The following CREB3L2 variants were observed in gnomAD, a reference collection of about 807,000 sequenced individuals.
The protein encoded by CREB3L2 is cAMP responsive element binding protein 3 like 2.
CREB3L2 carries 23 observed loss-of-function variants against 57.2 expected under a neutral mutation model. The observed-to-expected ratio is 0.40, with a 90% CI of 0.29 to 0.57. The LOEUF (loss-of-function observed/expected upper bound fraction) is 0.57. CREB3L2 is among the 20% of genes least tolerant of loss of function. The pLI is 0.42. For missense variants in CREB3L2, 628 were observed against 634.7 expected (o/e 0.99, Z 0.11); for synonymous variants, 268 against 265.1 (o/e 1.01, Z -0.11).
rs552212189 is a variant in CREB3L2, at chr7:137,997,097, C to T, written c.102+4507G>A. On this transcript the variant is annotated intron_variant, in intron 1 of 11. Transcript: ENST00000330387. ...CCCACTTCCCCTGTTCTTCATCCAA[C>T]GCCTCCACTGACCTTGAGTGGTGTT... Among the ~76,000 whole-genome samples the T allele has an allele frequency of 3.3e-5, 5 of 152,312 alleles. No individual in the cohort carries two copies. In the South Asian group the frequency reaches 1.0e-3, roughly 32 times the overall value.
At chr7:137,895,192 C>T (rs371190037) in intron 8 of CREB3L2, among the ~76,000 whole-genome samples, 1 of 152,154 alleles carries the variant, frequency 6.6e-6, no homozygotes, top group African/African-American at 2.4e-5. Flanking sequence ...GAAAACTATA[C>T]CAGTGGGAAA....
In CREB3L2 at chr7:137,901,355, T is replaced by C. The variant is rs1799750988; in HGVS notation, c.1042A>G (p.Arg348Gly). ...AGCTCTCAGTCCAGTGACACTTACCTATTAGTGTTCTCTAGAACCTCTACC... is the reference window on the plus strand; with the variant it reads ...AGCTCTCAGTCCAGTGACACTTACCCATTAGTGTTCTCTAGAACCTCTACC... ...KKVEVLENTN[R>G]TLLQQLQKLQ... The change falls in exon 8 of 12, where the codon AGG (arginine) becomes GGG (glycine). Residue 348 changes from arginine to glycine, a missense_variant and splice_region_variant. Physicochemically the swap from Arg to Gly is moderately radical, Grantham distance 125. Transcript: ENST00000330387. 2 of 1,563,428 alleles carry C rather than the reference T, an allele frequency of 1.3e-6. No homozygotes were observed. The highest frequency in any genetic ancestry group is 1.8e-6 in the Non-Finnish European group (2 of 1,134,666).
intron 2 of CREB3L2, among the ~76,000 whole-genome samples, chr7:137,927,828 C>T (rs1800509293): frequency 6.7e-6 from 1 of 150,294 alleles, no homozygotes; most frequent in Non-Finnish European, 1.5e-5. Context: ...AAACAAGAGA[C>T]TTACTGTACT....
intron 1 of CREB3L2, among the ~76,000 whole-genome samples, chr7:137,983,397 C>T (rs75822830): frequency 1.2e-4 from 18 of 152,188 alleles, no homozygotes; most frequent in South Asian, 4.1e-4. Context: ...TCAGAGGAAA[C>T]GCTGGTACAG....
At chr7:137,965,408 T>C (rs1323564034) in intron 1 of CREB3L2, among the ~76,000 whole-genome samples, 1 of 152,218 alleles carries the variant, frequency 6.6e-6, no homozygotes, top group Non-Finnish European at 1.5e-5. Context: ...TTCCATTTTT[T>C]CCCTTAGGAT....
chr7:137,898,960 A>AAAGGAAGGAAGGAAGGAAGG (rs145339071), intron 8 of CREB3L2, among the ~76,000 whole-genome samples: 4 of 132,734 alleles, frequency 3.0e-5, no homozygotes, highest in African/African-American at 1.5e-4. Flanking sequence ...GGAAAGAAGG[A>AAAGGAAGGAAGGAAGGAAGG]AAGGAAGGAA....
chr7:137,905,278 A>G (rs1799859769), intron 6 of CREB3L2, among the ~76,000 whole-genome samples: 1 of 149,012 alleles, frequency 6.7e-6, no homozygotes, highest in Non-Finnish European at 1.5e-5. Flanking sequence ...TGTATCTTAT[A>G]TATATATAAT....
intron 6 of CREB3L2, among the ~76,000 whole-genome samples, chr7:137,904,446 A>G (rs1297388261): frequency 6.6e-6 from 1 of 152,180 alleles, no homozygotes; most frequent in African/African-American, 2.4e-5. Context: ...CGGGTAGATC[A>G]CCTGAGGTCA....
At chr7:137,906,038 T>C (rs1048142004) in intron 5 of CREB3L2, among the ~76,000 whole-genome samples, 190 bp from the exon 6 acceptor site, 3 of 152,098 alleles carry the variant, frequency 2.0e-5, no homozygotes, top group Non-Finnish European at 4.4e-5. Context: ...GACACCCCCA[T>C]GTGAGTGTTA....
At chr7:137,957,821 A>T in intron 1 of CREB3L2, 1 of 1,271,356 alleles carries the variant, frequency 7.9e-7, no homozygotes, top group Non-Finnish European at 1.0e-6. Context: ...CTGCTAAGGT[A>T]TTAATTCATC....
chr7:137,922,265 G>A (rs1364570920), intron 2 of CREB3L2, among the ~76,000 whole-genome samples: 1 of 150,488 alleles, frequency 6.6e-6, no homozygotes, highest in African/African-American at 2.5e-5. Context: ...ACAGACCACA[G>A]ATTTTTTCTG....
chr7:137,949,805 C>A (rs959483847), intron 1 of CREB3L2, among the ~76,000 whole-genome samples: 4 of 152,058 alleles, frequency 2.6e-5, no homozygotes, highest in Admixed American at 6.5e-5. Context: ...GATGCAAAAC[C>A]CAATCCGCAC....
chr7:137,878,947 C>CAG lies in CREB3L2; in HGVS notation c.*1527_*1528dup, dbSNP rs372731384. 5.7e-5 allele frequency: 23 copies of CAG among 400,988 alleles called. No homozygotes were observed. Among genetic ancestry groups the CAG allele is most frequent in the Non-Finnish European group, 8.4e-5 (18 of 215,046 alleles). 24.8% of individuals were successfully genotyped at this position (400,988 alleles called of 1,614,324 possible). ...GTGGGGGGAGAGAGAGAAGGAGAGA[C>CAG]AGAGAGAGAGAGGGAGAGAGAGAAG... On this transcript the variant is annotated 3_prime_UTR_variant, in exon 12 of 12. Transcript: ENST00000330387.
chr7:137,929,622 G>T lies in CREB3L2; in HGVS notation c.103-1256C>A, dbSNP rs2117242909. On this transcript the variant is annotated intron_variant, in intron 1 of 11. Coordinates refer to ENST00000330387, the MANE Select transcript of CREB3L2 (RefSeq NM_194071.4). ...TCATGCTTGTAATCCCAGGACTTTG[G>T]GAGGCCAAGGTGGGCGGATCACAAG... 2.0e-5 allele frequency among the ~76,000 whole-genome samples: 3 copies of T among 151,710 alleles called. No individual in the cohort carries two copies. In the East Asian group the frequency reaches 5.9e-4, roughly 30 times the overall value.
intron 3 of CREB3L2, among the ~76,000 whole-genome samples, chr7:137,914,760 G>GAGAA (rs1563250297): frequency 1.3e-5 from 2 of 151,954 alleles, no homozygotes; most frequent in African/African-American, 4.8e-5. Flanking sequence ...CACTTGCAGA[G>GAGAA]GCCTCTGTCT....
chr7:137,962,525 G>A (rs928363694), intron 1 of CREB3L2, among the ~76,000 whole-genome samples: 2 of 151,812 alleles, frequency 1.3e-5, no homozygotes, highest in Admixed American at 6.6e-5. Flanking sequence ...ATACACCCTG[G>A]GGAACCACTT....
At chr7:137,882,695 C>T (rs1323779291) in intron 10 of CREB3L2, 67 bp from the exon 11 acceptor site, 1 of 1,140,538 alleles carries the variant, frequency 8.8e-7, no homozygotes, top group African/African-American at 1.5e-5. Context: ...TTCCCTCACT[C>T]CAGGTGCTCA....
At chr7:137,991,927 A>G (rs1156788731) in intron 1 of CREB3L2, among the ~76,000 whole-genome samples, 1 of 151,472 alleles carries the variant, frequency 6.6e-6, no homozygotes, top group Non-Finnish European at 1.5e-5. Flanking sequence ...AAAAAGCTTT[A>G]TCCTCCAAAG....
At chr7:137,916,472 T>C (rs1264059696) in intron 2 of CREB3L2, among the ~76,000 whole-genome samples, 1 of 152,120 alleles carries the variant, frequency 6.6e-6, no homozygotes, top group East Asian at 1.9e-4. Flanking sequence ...TCCCAGCACT[T>C]TGGGATGCCA....
Sources: gnomAD v4.1 joint callset for allele counts (sites outside exome capture counted in the v4.1 genomes callset) on GRCh38, gnomAD v4.1.1 for gene constraint, MANE v1.5 for transcripts, NCBI Gene and HGNC (gene_info 2026-07-23, HGNC 2026-07-21) for gene names.